PTPN14: variants seen among roughly 807,000 people sequenced by gnomAD.
The protein encoded by PTPN14 is protein tyrosine phosphatase non-receptor type 14, also known as tyrosine-protein phosphatase non-receptor type 14.
Under a neutral mutation model 126.8 loss-of-function variants are expected in PTPN14, and 53 were observed. That is an observed-to-expected ratio of 0.42 (90% CI 0.34 to 0.53). The LOEUF (loss-of-function observed/expected upper bound fraction) is 0.53. PTPN14 is among the 20% of genes least tolerant of loss of function. The pLI, the probability that PTPN14 is intolerant of heterozygous loss-of-function variation, is 0.08. For synonymous variants in PTPN14, 630 were observed against 599.3 expected, an observed-to-expected ratio of 1.05 and a Z score of -0.75; for missense variants, 1,257 against 1,552.9, an observed-to-expected ratio of 0.81 and a Z score of 3.20.
At chr1:214,467,711 G>T (rs775946774) in intron 1 of PTPN14, among the ~76,000 whole-genome samples, 5 of 152,156 alleles carry the variant, frequency 3.3e-5, no homozygotes, top group Non-Finnish European at 7.3e-5. Context: ...TGTAAATAAA[G>T]ATTATTTTAA....
intron 3 of PTPN14, among the ~76,000 whole-genome samples, chr1:214,436,104 G>A (rs1273577152): frequency 2.0e-5 from 3 of 152,204 alleles, no homozygotes; most frequent in African/African-American, 7.2e-5. Flanking sequence ...CAACATGGAT[G>A]CAGGTGGAGG....
intron 2 of PTPN14, among the ~76,000 whole-genome samples, chr1:214,456,725 G>A (rs6675863): frequency 0.27 from 40,994 of 151,918 alleles, 6,271 homozygotes; most frequent in Non-Finnish European, 0.34. Flanking sequence ...TAAGACTGGC[G>A]AATAGTTCAC....
Position 214,401,714 on chromosome 1 carries a change from C to T in PTPN14, c.640G>A (p.Gly214Arg). 6.3e-7 allele frequency: 1 copy of T among 1,593,820 alleles called. No homozygotes were observed. The highest frequency in any genetic ancestry group is 8.6e-7 in the Non-Finnish European group (1 of 1,162,440). The change falls in exon 7 of 19, where the codon GGA becomes AGA. Residue 214 changes from glycine (G) to arginine (R), a missense_variant. Gly to Arg is a moderately radical substitution (Grantham distance 125). Coordinates refer to ENST00000366956, the MANE Select transcript of PTPN14 (RefSeq NM_005401.5). ...MYINEVERLD[G>R]FGQEIFPVKD... The stretch of plus-strand genomic sequence containing the variant: ...ACAGGGAAGATTTCCTGTCCAAATC[C>T]ATCCAAACGTTCAACTTCATTGATG...
In PTPN14 at chr1:214,353,983, A is replaced by G. The variant is rs796347438; in HGVS notation, c.*3939T>C. The G allele has an allele frequency of 1.3e-5, 2 of 152,248 alleles. No individual in the cohort carries two copies. The highest frequency in any genetic ancestry group is 4.1e-4 in the South Asian group (2 of 4,828). 9.4% of individuals were successfully genotyped at this position (152,248 alleles called of 1,614,324 possible). On this transcript the variant is annotated 3_prime_UTR_variant, in exon 19 of 19. Transcript: ENST00000366956. ...GGTCAATCTATATTAAGCTGGAAAA[A>G]TAATCAGCTGGATGAAAAGGCCAGC...
chr1:214,383,500 T>G lies in PTPN14; in HGVS notation c.2355A>C (p.Pro785=). 1 of 1,614,192 alleles carries G rather than the reference T, an allele frequency of 6.2e-7. No homozygotes were observed. The highest frequency in any genetic ancestry group is 8.5e-7 in the Non-Finnish European group (1 of 1,180,042). Residue 785 remains proline (P), a synonymous_variant, in exon 13 of 19, where the codon CCA becomes CCC. Coordinates refer to ENST00000366956, the MANE Select transcript of PTPN14 (RefSeq NM_005401.5). The surrounding 1 kb of genome is among the most constrained non-coding windows in gnomAD (Gnocchi z 4.4). The part of the protein sequence containing the change: ...MARARVLRHG[P]AKAISMSRTD... ...TCCGAGACATGCTGATGGCCTTGGC[T>G]GGCCCATGCCTCAGCACCCTGGCTC...
intron 1 of PTPN14, among the ~76,000 whole-genome samples, chr1:214,527,073 A>G (rs1655418137): frequency 6.6e-6 from 1 of 151,976 alleles, no homozygotes; most frequent in South Asian, 2.1e-4. Context: ...CCTGGGCAAC[A>G]ACAGCAAAAC....
At chr1:214,382,058 A>T (rs1658485098) in intron 13 of PTPN14, among the ~76,000 whole-genome samples, 1 of 152,064 alleles carries the variant, frequency 6.6e-6, no homozygotes, top group South Asian at 2.1e-4. Context: ...GCACGCCACC[A>T]CACACGGCTA....
chr1:214,364,636 T>C lies in PTPN14; in HGVS notation c.3311A>G (p.Asn1104Ser), dbSNP rs767244490. 5.6e-6 allele frequency: 9 copies of C among 1,613,916 alleles called. No individual in the cohort carries two copies. In the African/African-American group the frequency reaches 6.7e-5, roughly 12 times the overall value. The change falls in exon 18 of 19, where the codon AAC becomes AGC. Residue 1104 changes from asparagine to serine, a missense_variant. By Grantham distance (46) the Asn-to-Ser change is conservative (BLOSUM62 1). Around this residue, in one of 3 missense-constraint regions of PTPN14, gnomAD observed 171 missense variants for 229.8 expected, o/e 0.74. Transcript: ENST00000366956. The surrounding 1 kb of genome is among the most constrained non-coding windows in gnomAD (Gnocchi z 4.1). ...GTTCTTGGTGCCTTCCAGCATGCTG[T>C]TGGTATGGCGACGGACCGACTGGAT... ...EEIQSVRRHTNSMLEGTKNRH... is the reference protein window; with the variant it reads ...EEIQSVRRHTSSMLEGTKNRH...
Position 214,462,264 on chromosome 1 carries a change from T to C in PTPN14, c.174+2366A>G, listed in dbSNP as rs375214186. 1.8e-4 allele frequency among the ~76,000 whole-genome samples: 27 copies of C among 152,318 alleles called. No homozygotes were observed. The South Asian group carries it at 5.6e-3, about 32-fold the overall frequency. On this transcript the variant is annotated intron_variant, in intron 2 of 18. Coordinates refer to ENST00000366956, the MANE Select transcript of PTPN14 (RefSeq NM_005401.5). ...CTTGGCAATGCACTGCTTTATTCTT[T>C]GTGATAAGGTAGTTGTGGGATGATC...
rs551479619 is a variant in PTPN14 at position 214,501,068 on chromosome 1, T to C, written c.-154-36111A>G. Among the ~76,000 whole-genome samples, 10 of 152,314 alleles carry C rather than the reference T, an allele frequency of 6.6e-5. No homozygotes were observed. The South Asian group carries it at 1.9e-3, about 28-fold the overall frequency. ...TCTTCATTGATAGGCTGTACAATTT[T>C]AAGGCAACACCAAAGTTCAAGGAAT... On this transcript the variant is annotated intron_variant, in intron 1 of 18. Transcript: ENST00000366956.
chr1:214,391,704 T>TAAAA (rs11368443), intron 10 of PTPN14, among the ~76,000 whole-genome samples: 18 of 139,306 alleles, frequency 1.3e-4, no homozygotes, highest in Non-Finnish European at 1.9e-4. Context: ...AGTGTTACCA[T>TAAAA]AAAAAAAAAA....
chr1:214,455,535 A>G (rs1660362759), intron 2 of PTPN14, among the ~76,000 whole-genome samples: 3 of 152,176 alleles, frequency 2.0e-5, no homozygotes, highest in Admixed American at 6.6e-5. Context: ...GAAAACTAGA[A>G]CACACAGCTC....
chr1:214,510,884 T>C (rs1654956205), intron 1 of PTPN14, among the ~76,000 whole-genome samples: 1 of 147,404 alleles, frequency 6.8e-6, no homozygotes, highest in African/African-American at 2.5e-5. Context: ...TTTTGTTTTG[T>C]TTTTTTTTTA....
In PTPN14 at chr1:214,414,611, C is replaced by T. The variant is rs1659384011; in HGVS notation, c.442+18G>A. ...ACAGAAAATGGAATTTCACATGCTG[C>T]TCATAACTATGTCTTACCTTGCACA... On this transcript the variant is annotated intron_variant, in intron 4 of 18. Coordinates refer to ENST00000366956, the MANE Select transcript of PTPN14 (RefSeq NM_005401.5). 2.5e-6 allele frequency: 4 copies of T among 1,598,228 alleles called. No individual in the cohort carries two copies. In the South Asian group the frequency reaches 4.4e-5, roughly 18 times the overall value.
At position 214,464,865 on chromosome 1, in the gene PTPN14, AG is replaced by A; in HGVS notation, c.-63del. ...GCGCACACGCCCCTGAGATGGCCTT[AG>A]CAGTTTCGTGACTGGAAAATTACAC... is the stretch of plus-strand genomic sequence containing the variant. On this transcript the variant is annotated 5_prime_UTR_variant, in exon 2 of 19. It removes the in-frame stop codon of an upstream open reading frame in the 5' UTR. Coordinates refer to ENST00000366956, the MANE Select transcript of PTPN14 (RefSeq NM_005401.5). 1 of 1,582,794 alleles carries A rather than the reference AG, an allele frequency of 6.3e-7. No individual in the cohort carries two copies. Among genetic ancestry groups the A allele is most frequent in the Non-Finnish European group, 8.6e-7 (1 of 1,158,724 alleles).
At chr1:214,463,563 G>A (rs551116943) in intron 2 of PTPN14, among the ~76,000 whole-genome samples, 153 of 152,310 alleles carry the variant, frequency 1.0e-3, no homozygotes, top group Middle Eastern at 3.4e-3. Flanking sequence ...TGTGGAAGAC[G>A]TCTTTAGAAG....
intron 16 of PTPN14, among the ~76,000 whole-genome samples, chr1:214,371,834 A>G (rs1306194387): frequency 1.3e-5 from 2 of 152,178 alleles, no homozygotes; most frequent in Non-Finnish European, 2.9e-5. Context: ...TGTGCTGAGA[A>G]GCAAATGCTC....
intron 7 of PTPN14, among the ~76,000 whole-genome samples, chr1:214,399,063 G>A (rs1325194771): frequency 2.6e-5 from 4 of 152,268 alleles, no homozygotes; most frequent in East Asian, 3.9e-4. Flanking sequence ...CACCGTGCCC[G>A]GCCTAAAGGA....
At position 214,364,766 on chromosome 1, in the gene PTPN14, A is replaced by AGTGTGT. The variant is rs57429060; in HGVS notation, c.3272-97_3272-92dup. The AGTGTGT allele has an allele frequency of 0.17, 97,528 of 585,988 alleles. 4,630 individuals carry two copies. The highest frequency in any genetic ancestry group is 0.18 in the Non-Finnish European group (63,410 of 360,440). The allele number at this position is 585,988 out of a possible 1,614,324, so 36.3% of individuals were successfully genotyped here. A position where few individuals can be genotyped will look rare whatever the true frequency, so the allele number is the denominator to read the frequency against. On this transcript the variant is annotated intron_variant, in intron 17 of 18. Transcript: ENST00000366956. The surrounding 1 kb of genome is among the most constrained non-coding windows in gnomAD (Gnocchi z 4.1). ...GGGGAGCGGAAGAGAACTGATGGTG[A>AGTGTGT]GTGTGTGTGTGTGTGTGTGTGTGTG...
Sources: allele counts gnomAD v4.1 joint callset (sites outside exome capture counted in the v4.1 genomes callset), GRCh38; gene constraint gnomAD v4.1.1; regional missense constraint gnomAD v4.1.1; non-coding constraint Gnocchi (gnomAD v3.1); transcripts MANE v1.5; gene names NCBI Gene and HGNC (gene_info 2026-07-23, HGNC 2026-07-21).